GRIA1: variants seen among roughly 807,000 people sequenced by gnomAD.
The protein encoded by GRIA1 is glutamate ionotropic receptor AMPA type subunit 1.
GRIA1 carries 31 observed loss-of-function variants against 99.2 expected under a neutral mutation model. The observed-to-expected ratio is 0.31, with a 90% CI of 0.23 to 0.42. The LOEUF (loss-of-function observed/expected upper bound fraction) is 0.42. Among genes scored for constraint, GRIA1 ranks in the 10% least tolerant of loss-of-function variants. The pLI is 1.00. For synonymous variants in GRIA1, 438 were observed against 432.4 expected (o/e 1.01, Z -0.16); for missense variants, 782 against 1,157.5 (o/e 0.68, Z 4.71).
At chr5:153,553,895 G>A (rs980309803) in intron 2 of GRIA1, among the ~76,000 whole-genome samples, 1 of 152,082 alleles carries the variant, frequency 6.6e-6, no homozygotes, top group Non-Finnish European at 1.5e-5. Context: ...TCTTGTGGTG[G>A]CAGCAGGGGG....
chr5:153,662,531 T>C (rs935677550), intron 5 of GRIA1, among the ~76,000 whole-genome samples: 3 of 152,152 alleles, frequency 2.0e-5, no homozygotes, highest in African/African-American at 7.2e-5. Context: ...TGAGGCTGCA[T>C]CTACAAGGCC....
intron 5 of GRIA1, among the ~76,000 whole-genome samples, chr5:153,673,849 T>C (rs10059401): frequency 0.16 from 24,654 of 152,158 alleles, 2,646 homozygotes; most frequent in East Asian, 0.54. Flanking sequence ...TAATAAACAA[T>C]CCTTCATGGT....
At chr5:153,652,211 AT>A (rs1265355654) in intron 4 of GRIA1, among the ~76,000 whole-genome samples, 2 of 152,216 alleles carry the variant, frequency 1.3e-5, no homozygotes, top group African/African-American at 4.8e-5. Context: ...CCTCTGTTCT[AT>A]AAAACTGATA....
At chr5:153,669,436 G>T (rs1448987040) in intron 5 of GRIA1, among the ~76,000 whole-genome samples, 1 of 151,992 alleles carries the variant, frequency 6.6e-6, no homozygotes, top group African/African-American at 2.4e-5. Flanking sequence ...TTAATTTCAG[G>T]CCAGGAGATA....
chr5:153,564,353 A>G (rs1761429006), intron 2 of GRIA1, among the ~76,000 whole-genome samples: 2 of 152,164 alleles, frequency 1.3e-5, no homozygotes, highest in African/African-American at 2.4e-5. Context: ...CCATCACAGC[A>G]TAGAGATTAA....
intron 7 of GRIA1, among the ~76,000 whole-genome samples, chr5:153,677,363 G>A (rs903039181): frequency 3.3e-5 from 5 of 152,146 alleles, no homozygotes; most frequent in African/African-American, 7.2e-5. Context: ...GTCATTTCTT[G>A]TAGTGTAAAA....
intron 3 of GRIA1, among the ~76,000 whole-genome samples, chr5:153,647,556 T>C (rs1045860078): frequency 2.0e-5 from 3 of 152,102 alleles, no homozygotes; most frequent in Non-Finnish European, 2.9e-5. Flanking sequence ...GGGATAAAAT[T>C]CTCTATGCCT....
rs267600495 is a variant in GRIA1, at chr5:153,647,004, C to T, written c.297C>T (p.Ser99=). The change falls in exon 3 of 16, where the codon TCC becomes TCT. Residue 99 remains serine, a synonymous_variant. Coordinates refer to ENST00000285900, the MANE Select transcript of GRIA1 (RefSeq NM_000827.4). ...YERRTVNMLT[S]FCGALHVCFI... ...GTAGGACTGTCAACATGCTGACCTC[C>T]TTTTGTGGGGCCCTCCACGTCTGCT... 1.9e-6 allele frequency: 3 copies of T among 1,613,982 alleles called. No individual in the cohort carries two copies. Among genetic ancestry groups the T allele is most frequent in the Non-Finnish European group, 2.5e-6 (3 of 1,179,890 alleles).
chr5:153,551,727 A>G (rs906514113), intron 2 of GRIA1, among the ~76,000 whole-genome samples: 1 of 152,094 alleles, frequency 6.6e-6, no homozygotes, highest in Non-Finnish European at 1.5e-5. Context: ...CTATGCTTTC[A>G]TAGCCCATCC....
At chr5:153,746,673 C>A (rs1473459956) in intron 11 of GRIA1, among the ~76,000 whole-genome samples, 1 of 152,128 alleles carries the variant, frequency 6.6e-6, no homozygotes, top group African/African-American at 2.4e-5. Flanking sequence ...GGGTGGGGGC[C>A]TCTGGATGCA....
intron 2 of GRIA1, among the ~76,000 whole-genome samples, chr5:153,543,576 T>C (rs1237066590): frequency 1.3e-5 from 2 of 152,030 alleles, no homozygotes. Flanking sequence ...GTTACTTGAA[T>C]GAGGAAGGAA....
rs2149453702 is a variant in GRIA1 at position 153,647,159 on chromosome 5, C to G, written c.452C>G (p.Ala151Gly). The G allele has an allele frequency of 6.2e-7, 1 of 1,613,716 alleles. No individual in the cohort carries two copies. Residue 151 changes from alanine to glycine, a missense_variant, in exon 3 of 16, where the codon GCC becomes GGC. Around this residue, in one of 5 missense-constraint regions of GRIA1, gnomAD observed 461 missense variants for 521.7 expected, o/e 0.88. Coordinates refer to ENST00000285900, the MANE Select transcript of GRIA1 (RefSeq NM_000827.4). ...KWQKFVYIYD[A>G]DRGLSVLQKV... ...CAGAAATTTGTCTACATTTATGATG[C>G]CGACCGGGGTAAGCCAAGGGTTAGG...
chr5:153,607,969 A>T (rs530450089), intron 2 of GRIA1, among the ~76,000 whole-genome samples: 7 of 151,706 alleles, frequency 4.6e-5, no homozygotes, highest in Admixed American at 3.3e-4. Flanking sequence ...GTTGTTGACA[A>T]TTTTTTTTCT....
intron 15 of GRIA1, among the ~76,000 whole-genome samples, chr5:153,809,199 T>G (rs1293471195): frequency 1.3e-5 from 2 of 152,246 alleles, no homozygotes; most frequent in African/African-American, 4.8e-5. Flanking sequence ...TTCAACATTT[T>G]TAGGTGAGGA....
At chr5:153,603,186 C>A (rs544672169) in intron 2 of GRIA1, among the ~76,000 whole-genome samples, 6 of 151,070 alleles carry the variant, frequency 4.0e-5, no homozygotes, top group African/African-American at 1.5e-4. Flanking sequence ...GGTTTTTTGT[C>A]TTTGTGATAG....
chr5:153,501,964 A>G (rs1206460323), intron 2 of GRIA1, among the ~76,000 whole-genome samples: 1 of 152,186 alleles, frequency 6.6e-6, no homozygotes, highest in African/African-American at 2.4e-5. Context: ...CAATCAGACA[A>G]CTCAGTGGTC....
intron 5 of GRIA1, among the ~76,000 whole-genome samples, chr5:153,663,184 T>C (rs1295668287): frequency 1.3e-5 from 2 of 152,234 alleles, no homozygotes; most frequent in African/African-American, 4.8e-5. Context: ...TGAGATTTTC[T>C]GCCTCCCTCC....
At chr5:153,719,569 C>T (rs149315154) in intron 11 of GRIA1, among the ~76,000 whole-genome samples, 5 of 152,108 alleles carry the variant, frequency 3.3e-5, no homozygotes, top group Non-Finnish European at 5.9e-5. Context: ...CCTCACAGCA[C>T]GATGGCTGGG....
At chr5:153,545,081 T>G (rs1298267374) in intron 2 of GRIA1, among the ~76,000 whole-genome samples, 1 of 152,214 alleles carries the variant, frequency 6.6e-6, no homozygotes, top group East Asian at 1.9e-4. Flanking sequence ...CGCCATGTGC[T>G]CTGAGGAGAC....
Sources: allele counts gnomAD v4.1 joint callset (sites outside exome capture counted in the v4.1 genomes callset), GRCh38; gene constraint gnomAD v4.1.1; regional missense constraint gnomAD v4.1.1; transcripts MANE v1.5; gene names NCBI Gene and HGNC (gene_info 2026-07-23, HGNC 2026-07-21).